Variants in ACER3 observed in about 807,000 individuals in gnomAD.
ACER3 encodes the protein alkaline ceramidase 3.
A neutral mutation model predicts 48.9 loss-of-function variants in ACER3; 16 were observed. That is an observed-to-expected ratio of 0.33 (90% CI 0.22 to 0.50). The LOEUF (loss-of-function observed/expected upper bound fraction) is 0.50, where lower values mean the gene tolerates loss of function less well. Among genes scored for constraint, ACER3 ranks in the 20% least tolerant of loss-of-function variants. ACER3 has a pLI of 0.98. For missense variants in ACER3, 227 were observed against 326.0 expected (o/e 0.70, Z 2.34); for synonymous variants, 109 against 107.8 (o/e 1.01, Z -0.07).
chr11:77,004,806 T>C (rs1555020523), intron 7 of ACER3, among the ~76,000 whole-genome samples: 2 of 152,198 alleles, frequency 1.3e-5, no homozygotes, highest in Non-Finnish European at 2.9e-5. Flanking sequence ...GATCATACTG[T>C]TATATTTGAA....
chr11:76,917,405 A>G (rs944204670), intron 1 of ACER3, among the ~76,000 whole-genome samples: 5 of 152,334 alleles, frequency 3.3e-5, no homozygotes, highest in African/African-American at 1.2e-4. Flanking sequence ...ACTATTATAT[A>G]TATCCCAAAG....
Position 76,985,094 on chromosome 11 carries a change from A to G in ACER3, c.321-549A>G, listed in dbSNP as rs185529185. The stretch of plus-strand genomic sequence containing the variant: ...TCTTCATTCAATTTGGCTGCCCCCA[A>G]ATATCAGCCTCAGACCTTGAGTCCA... On this transcript the variant is annotated intron_variant, in intron 4 of 10. Transcript: ENST00000532485. 6.8e-4 allele frequency among the ~76,000 whole-genome samples: 103 copies of G among 152,212 alleles called. 1 individual carries two copies. Among genetic ancestry groups the G allele is most frequent in the Admixed American group, 1.8e-3 (28 of 15,282 alleles).
intron 1 of ACER3, among the ~76,000 whole-genome samples, chr11:76,920,438 GC>G (rs1244683731): frequency 6.6e-6 from 1 of 152,128 alleles, no homozygotes; most frequent in Non-Finnish European, 1.5e-5. Flanking sequence ...AGCAAGGTCT[GC>G]ATCTCAGCCT....
intron 1 of ACER3, among the ~76,000 whole-genome samples, chr11:76,907,189 C>G (rs79392113): frequency 0.011 from 1,717 of 152,196 alleles, 14 homozygotes; most frequent in Non-Finnish European, 0.016. Context: ...CAATGAGGTA[C>G]AAATTCAGGA....
At chr11:76,932,011 C>T (rs997566319) in intron 2 of ACER3, among the ~76,000 whole-genome samples, 3 of 143,604 alleles carry the variant, frequency 2.1e-5, no homozygotes, top group Non-Finnish European at 4.5e-5. Context: ...TGTAGTGGTA[C>T]AATCTTGGCT....
At chr11:76,865,912 G>C (rs1169058279) in intron 1 of ACER3, among the ~76,000 whole-genome samples, 1 of 151,576 alleles carries the variant, frequency 6.6e-6, no homozygotes, top group Non-Finnish European at 1.5e-5. Context: ...TGCCTCCTGG[G>C]CTCAAGCAAT....
At position 76,904,961 on chromosome 11, in the gene ACER3, C is replaced by T. The variant is rs1027005689; in HGVS notation, c.104-21596C>T. ...TCCACCTCCTGGTTCAAGTGATTTT[C>T]GTACCTCAGCCTGCCGGGTAGCTGG... On this transcript the variant is annotated intron_variant, in intron 1 of 10. Transcript: ENST00000532485. 4.6e-5 allele frequency among the ~76,000 whole-genome samples: 7 copies of T among 152,062 alleles called. No homozygotes were observed. The East Asian group carries it at 7.7e-4, about 17-fold the overall frequency.
intron 1 of ACER3, among the ~76,000 whole-genome samples, chr11:76,883,633 C>CG (rs1382592001): frequency 6.6e-6 from 1 of 151,796 alleles, no homozygotes; most frequent in Admixed American, 6.6e-5. Context: ...TTAGTAGAGA[C>CG]GGAGTTTCGC....
intron 2 of ACER3, among the ~76,000 whole-genome samples, chr11:76,937,494 G>T (rs1253243949): frequency 6.6e-6 from 1 of 152,168 alleles, no homozygotes; most frequent in Non-Finnish European, 1.5e-5. Flanking sequence ...ACTGGTATAT[G>T]TACATCACAA....
intron 7 of ACER3, 135 bp from the exon 8 acceptor site, chr11:77,014,881 G>A: frequency 1.5e-6 from 1 of 646,954 alleles, no homozygotes. Context: ...TCTGTGAATA[G>A]CCACTGCACT....
rs76201295 is a variant in ACER3, at chr11:76,883,052, G to A, written c.103+21973G>A. 7.6e-3 allele frequency among the ~76,000 whole-genome samples: 1,151 copies of A among 152,142 alleles called. 6 individuals carry two copies. Among genetic ancestry groups the A allele is most frequent in the African/African-American group, 0.026 (1,084 of 41,510 alleles). On this transcript the variant is annotated intron_variant, in intron 1 of 10. Transcript: ENST00000532485. ...CAAGCCTGTGGTGTTACCTTTCACT[G>A]TTTCTTATGTACTGTGTCAGCTGCA... is the stretch of plus-strand genomic sequence containing the variant.
chr11:76,949,727 A>G (rs563318570), intron 2 of ACER3, among the ~76,000 whole-genome samples: 6 of 152,298 alleles, frequency 3.9e-5, no homozygotes, highest in African/African-American at 1.4e-4. Flanking sequence ...GATAAATTGT[A>G]GTGTGTCAGT....
intron 1 of ACER3, among the ~76,000 whole-genome samples, chr11:76,897,280 T>C (rs557635081): frequency 6.6e-6 from 1 of 152,258 alleles, no homozygotes; most frequent in African/African-American, 2.4e-5. Flanking sequence ...TTAATAGCCT[T>C]TCTAGATAAT....
chr11:76,861,105 G>C (rs1944926448), intron 1 of ACER3, 26 bp downstream of exon 1: 2 of 1,528,062 alleles, frequency 1.3e-6, no homozygotes, highest in South Asian at 1.2e-5. Flanking sequence ...GGAGGGGAGT[G>C]GGGGCGAGAG....
intron 6 of ACER3, among the ~76,000 whole-genome samples, chr11:76,991,129 C>T (rs755793618): frequency 2.6e-5 from 4 of 152,134 alleles, no homozygotes; most frequent in Non-Finnish European, 4.4e-5. Context: ...CTTCTAATCT[C>T]ACCAACAGTC....
intron 4 of ACER3, among the ~76,000 whole-genome samples, chr11:76,983,796 AT>A (rs35508689): frequency 0.31 from 44,011 of 143,820 alleles, 7,341 homozygotes; most frequent in African/African-American, 0.5. Context: ...ACCTCTAATG[AT>A]TTTTTTTTTT....
intron 3 of ACER3, among the ~76,000 whole-genome samples, chr11:76,974,984 A>C (rs766194583): frequency 7.2e-5 from 11 of 152,226 alleles, no homozygotes; most frequent in African/African-American, 1.2e-4. Context: ...AACAAACAAA[A>C]AAATTAATGA....
At chr11:76,975,920 C>T (rs1948430626) in intron 3 of ACER3, among the ~76,000 whole-genome samples, 1 of 135,436 alleles carries the variant, frequency 7.4e-6, no homozygotes, top group South Asian at 2.2e-4. Flanking sequence ...TGCTCTGTTG[C>T]CCAGGCTGGA....
chr11:76,952,631 C>T (rs939187260), intron 2 of ACER3, among the ~76,000 whole-genome samples: 2 of 148,204 alleles, frequency 1.3e-5, no homozygotes, highest in African/African-American at 2.5e-5. Context: ...AAACAAAAAG[C>T]AAACAGTAAA....
Sources: allele counts gnomAD v4.1 joint callset (sites outside exome capture counted in the v4.1 genomes callset), GRCh38; gene constraint gnomAD v4.1.1; transcripts MANE v1.5; gene names NCBI Gene and HGNC (gene_info 2026-07-23, HGNC 2026-07-21).